NRCAM: variants seen among roughly 807,000 people sequenced by gnomAD.
NRCAM encodes the protein NgCAM-related cell adhesion molecule.
A neutral mutation model predicts 156.5 loss-of-function variants in NRCAM; 83 were observed. The ratio of observed to expected loss-of-function variants is 0.53; its 90% confidence interval spans 0.44 to 0.64. The LOEUF (loss-of-function observed/expected upper bound fraction) is 0.64, where lower values mean the gene tolerates loss of function less well. Ranked by LOEUF, NRCAM falls within the 30% of genes least tolerant of loss-of-function variation. NRCAM has a pLI of 0.00. For synonymous variants in NRCAM, 538 were observed against 563.9 expected, an observed-to-expected ratio of 0.95 and a Z score of 0.65; for missense variants, 1,417 against 1,597.3, an observed-to-expected ratio of 0.89 and a Z score of 1.92.
chr7:108,350,655 T>C (rs2099405416), intron 2 of NRCAM, among the ~76,000 whole-genome samples: 1 of 152,144 alleles, frequency 6.6e-6, no homozygotes, highest in African/African-American at 2.4e-5. Flanking sequence ...CACTCCCCTG[T>C]TGGTGCCTCC....
At chr7:108,426,467 T>C (rs930895782) in intron 1 of NRCAM, among the ~76,000 whole-genome samples, 4 of 152,230 alleles carry the variant, frequency 2.6e-5, no homozygotes, top group Non-Finnish European at 4.4e-5. Context: ...AAATCCATTT[T>C]ACTCTGACCA....
In NRCAM at chr7:108,181,957, G is replaced by A. The variant is rs1226657048; in HGVS notation, c.2531-20C>T. On this transcript the variant is annotated intron_variant, in intron 23 of 32. Coordinates refer to ENST00000379028, the MANE Select transcript of NRCAM (RefSeq NM_001037132.4). ...TTGGGACTAGGAAAAGGACAGGGAA[G>A]TGGTAGAAGTATCAATGTTATTTTT... 1 of 1,526,132 alleles carries A rather than the reference G, an allele frequency of 6.6e-7. No individual in the cohort carries two copies. The highest frequency in any genetic ancestry group is 9.1e-7 in the Non-Finnish European group (1 of 1,103,376). 94.5% of individuals were successfully genotyped at this position (1,526,132 alleles called of 1,614,324 possible). A position where few individuals can be genotyped will look rare whatever the true frequency, so the allele number is the denominator to read the frequency against.
chr7:108,434,646 G>GACATAAA (rs1487194499), intron 1 of NRCAM, among the ~76,000 whole-genome samples: 2 of 151,970 alleles, frequency 1.3e-5, no homozygotes, highest in Non-Finnish European at 2.9e-5. Context: ...AAGTTTGAAT[G>GACATAAA]TACTCTCCAG....
At chr7:108,333,615 T>C (rs979865453) in intron 2 of NRCAM, among the ~76,000 whole-genome samples, 6 of 152,192 alleles carry the variant, frequency 3.9e-5, no homozygotes, top group African/African-American at 1.4e-4. Context: ...TTTGGGGACA[T>C]GTTAAAAACC....
intron 3 of NRCAM, among the ~76,000 whole-genome samples, chr7:108,271,601 G>A (rs1305050747): frequency 1.3e-5 from 2 of 152,072 alleles, no homozygotes; most frequent in East Asian, 1.9e-4. Context: ...GCCGAGGCAG[G>A]AGAATTGCTT....
At chr7:108,356,488 A>T (rs1231081470) in intron 2 of NRCAM, among the ~76,000 whole-genome samples, 1 of 152,172 alleles carries the variant, frequency 6.6e-6, no homozygotes, top group Non-Finnish European at 1.5e-5. Context: ...GCTACTGTAT[A>T]CCTTTTTTAC....
intron 1 of NRCAM, among the ~76,000 whole-genome samples, chr7:108,450,746 T>C (rs971698887): frequency 6.6e-6 from 1 of 152,232 alleles, no homozygotes; most frequent in Non-Finnish European, 1.5e-5. Context: ...TGGCTTATCC[T>C]GGACTTGGAC....
chr7:108,180,084 G>T, intron 25 of NRCAM, 139 bp downstream of exon 25: 1 of 684,130 alleles, frequency 1.5e-6, no homozygotes, highest in Non-Finnish European at 2.4e-6. Flanking sequence ...GTAGCTTTGT[G>T]TGTGCTGTAT....
At chr7:108,180,485 G>T in intron 24 of NRCAM, 58 bp from the exon 25 acceptor site, 3 of 1,387,754 alleles carry the variant, frequency 2.2e-6, no homozygotes, top group Non-Finnish European at 2.0e-6. Context: ...GATTCCTTAT[G>T]CTCACAAAAT....
chr7:108,375,322 A>G (rs937550482), intron 2 of NRCAM, among the ~76,000 whole-genome samples: 11 of 149,514 alleles, frequency 7.4e-5, no homozygotes, highest in African/African-American at 2.2e-4. Flanking sequence ...CTCTCCCCCA[A>G]AAATAATTAA....
At chr7:108,338,499 C>A (rs1204598809) in intron 2 of NRCAM, among the ~76,000 whole-genome samples, 1 of 152,036 alleles carries the variant, frequency 6.6e-6, no homozygotes, top group East Asian at 1.9e-4. Flanking sequence ...GGGACCCATT[C>A]CCCACCACCC....
intron 3 of NRCAM, among the ~76,000 whole-genome samples, chr7:108,240,927 T>C (rs993304471): frequency 6.6e-6 from 1 of 152,198 alleles, no homozygotes; most frequent in Non-Finnish European, 1.5e-5. Flanking sequence ...TGCATTTCTG[T>C]TTTTCTTTCT....
chr7:108,352,620 C>T (rs2099424234), intron 2 of NRCAM, among the ~76,000 whole-genome samples: 1 of 152,172 alleles, frequency 6.6e-6, no homozygotes, highest in Non-Finnish European at 1.5e-5. Flanking sequence ...ATGTTTTTTA[C>T]TTATTTTGTA....
chr7:108,159,252 A>G, intron 32 of NRCAM: 1 of 713,112 alleles, frequency 1.4e-6, no homozygotes, highest in Non-Finnish European at 2.6e-6. Context: ...CATCTCCAAA[A>G]TTATGACTAA....
intron 1 of NRCAM, among the ~76,000 whole-genome samples, chr7:108,447,597 C>A (rs1320987592): frequency 2.0e-5 from 3 of 152,104 alleles, no homozygotes; most frequent in Non-Finnish European, 2.9e-5. Context: ...TGCTAACTTT[C>A]TCAAGCTAGG....
intron 3 of NRCAM, among the ~76,000 whole-genome samples, chr7:108,265,051 A>G (rs968956396): frequency 6.6e-6 from 1 of 152,200 alleles, no homozygotes; most frequent in African/African-American, 2.4e-5. Flanking sequence ...TGGAACCTCC[A>G]ACAGCTCATG....
intron 2 of NRCAM, among the ~76,000 whole-genome samples, chr7:108,358,846 T>C (rs1037303300): frequency 1.5e-4 from 23 of 152,174 alleles, no homozygotes. Context: ...CACTGCCAGA[T>C]GAGGACATCA....
intron 2 of NRCAM, among the ~76,000 whole-genome samples, chr7:108,382,160 A>T (rs2099704362): frequency 1.3e-5 from 2 of 152,056 alleles, no homozygotes; most frequent in South Asian, 4.2e-4. Context: ...ACAGAGTCAC[A>T]GAAGATCTGC....
chr7:108,196,642 C>G (rs1200898241), intron 14 of NRCAM, among the ~76,000 whole-genome samples: 2 of 152,106 alleles, frequency 1.3e-5, no homozygotes, highest in East Asian at 3.9e-4. Context: ...GATATTATAT[C>G]ACACTTATTA....
Sources: allele counts gnomAD v4.1 joint callset (sites outside exome capture counted in the v4.1 genomes callset), GRCh38; gene constraint gnomAD v4.1.1; transcripts MANE v1.5; gene names NCBI Gene and HGNC (gene_info 2026-07-23, HGNC 2026-07-21).